PTPRT: variants seen among roughly 807,000 people sequenced by gnomAD.
The protein encoded by PTPRT is protein tyrosine phosphatase receptor type T, also known as receptor-type tyrosine-protein phosphatase T.
In PTPRT, 56 loss-of-function variants were observed where a neutral mutation model predicts 176.8. That is an observed-to-expected ratio of 0.32 (90% CI 0.26 to 0.40). The LOEUF (loss-of-function observed/expected upper bound fraction) is 0.40, where lower values mean the gene tolerates loss of function less well. Ranked by LOEUF, PTPRT falls within the 10% of genes least tolerant of loss-of-function variation. PTPRT has a pLI of 1.00. For missense variants in PTPRT, 1,540 were observed against 1,908.2 expected (o/e 0.81, Z 3.60); for synonymous variants, 783 against 739.0 (o/e 1.06, Z -0.96).
At chr20:42,036,608 G>C in the PTPRT span, among the ~76,000 whole-genome samples, 454 of 152,278 alleles carry the variant, frequency 3.0e-3, 4 homozygotes, top group African/African-American at 0.011. Flanking sequence ...GGAACTGCAG[G>C]AATCCCGAAG....
chr20:42,190,398 G>T (rs980669500), intron 16 of PTPRT, among the ~76,000 whole-genome samples: 1 of 152,068 alleles, frequency 6.6e-6, no homozygotes, highest in African/African-American at 2.4e-5. Flanking sequence ...ACTATTAATG[G>T]GCTTTAGCAC....
At chr20:42,667,014 T>C (rs2075328480) in intron 7 of PTPRT, among the ~76,000 whole-genome samples, 1 of 152,208 alleles carries the variant, frequency 6.6e-6, no homozygotes, top group Non-Finnish European at 1.5e-5. Flanking sequence ...TTCTGATCAG[T>C]AATGAAGGCT....
intron 1 of PTPRT, among the ~76,000 whole-genome samples, chr20:42,987,593 ATACCAAATGTCAGCCACCTCAGACAC>A (rs1983670710): frequency 6.6e-6 from 1 of 151,984 alleles, no homozygotes; most frequent in African/African-American, 2.4e-5. Flanking sequence ...TTCCTCAAAC[ATACCAAATGTCAGCCACCTCAGACAC>A]TCACCCCGCC....
chr20:43,044,249 A>G (rs1220097758), intron 1 of PTPRT, among the ~76,000 whole-genome samples: 2 of 152,078 alleles, frequency 1.3e-5, no homozygotes, highest in African/African-American at 4.8e-5. Flanking sequence ...CTGGGAGAAG[A>G]CAGAAGGCAA....
At chr20:42,816,147 T>C (rs1029277599) in intron 2 of PTPRT, among the ~76,000 whole-genome samples, 1 of 152,162 alleles carries the variant, frequency 6.6e-6, no homozygotes, top group Non-Finnish European at 1.5e-5. Flanking sequence ...CAGTGAAGAT[T>C]GGAACAGTAG....
At chr20:42,794,996 G>T (rs772258591) in intron 2 of PTPRT, among the ~76,000 whole-genome samples, 13 of 152,264 alleles carry the variant, frequency 8.5e-5, no homozygotes, top group Middle Eastern at 3.4e-3. Context: ...ACTAGAGATT[G>T]CTCAGGAGTG....
intron 7 of PTPRT, among the ~76,000 whole-genome samples, chr20:42,548,841 T>C (rs905081718): frequency 2.6e-5 from 4 of 152,032 alleles, no homozygotes; most frequent in Admixed American, 1.3e-4. Context: ...GAAGGCAAAA[T>C]ATTAAGGAGC....
intron 7 of PTPRT, among the ~76,000 whole-genome samples, chr20:42,544,278 G>A (rs1463809210): frequency 6.6e-6 from 1 of 152,180 alleles, no homozygotes; most frequent in East Asian, 1.9e-4. Flanking sequence ...TGAATAACTT[G>A]CTACAGCTTC....
intron 21 of PTPRT, among the ~76,000 whole-genome samples, chr20:42,115,775 A>G (rs1987242233): frequency 6.6e-6 from 1 of 152,110 alleles, no homozygotes; most frequent in Admixed American, 6.5e-5. Context: ...CTGAGCAAAG[A>G]TGAGAATAAA....
intron 1 of PTPRT, among the ~76,000 whole-genome samples, chr20:42,918,615 C>T (rs1480533522): frequency 1.3e-5 from 2 of 152,292 alleles, no homozygotes; most frequent in Admixed American, 6.5e-5. Context: ...TTTCCCATTG[C>T]AATCATTCCC....
chr20:42,824,444 A>G (rs2077956852), intron 2 of PTPRT, among the ~76,000 whole-genome samples: 1 of 152,108 alleles, frequency 6.6e-6, no homozygotes, highest in Admixed American at 6.6e-5. Flanking sequence ...GACAAGAAGA[A>G]GAAAGAACAT....
intron 16 of PTPRT, among the ~76,000 whole-genome samples, chr20:42,163,343 G>T (rs1568633760): frequency 6.6e-6 from 1 of 152,198 alleles, no homozygotes; most frequent in East Asian, 1.9e-4. Flanking sequence ...CTAAGATTTA[G>T]ATTTATGCAC....
chr20:42,340,268 C>T (rs1048270527), intron 11 of PTPRT, among the ~76,000 whole-genome samples: 5 of 152,138 alleles, frequency 3.3e-5, no homozygotes, highest in Non-Finnish European at 2.9e-5. Context: ...GTCTAGCCCT[C>T]GATTCTTGCA....
At position 42,345,368 on chromosome 20, in the gene PTPRT, C is replaced by T. The variant is rs1339718302; in HGVS notation, c.1865+5260G>A. 1.5e-3 allele frequency among the ~76,000 whole-genome samples: 90 copies of T among 59,198 alleles called. 2 individuals are homozygous for T. The highest frequency in any genetic ancestry group is 0.01 in the East Asian group (1 of 96). 38.8% of individuals were successfully genotyped at this position (59,198 alleles called of 152,430 possible). A position where few individuals can be genotyped will look rare whatever the true frequency, so the allele number is the denominator to read the frequency against. Reference sequence around the variant, plus strand: ...TAAGAGGTAGCTGAAGGCATATATACACACACACACACACACACACACACA... The same window carrying T: ...TAAGAGGTAGCTGAAGGCATATATATACACACACACACACACACACACACA... On this transcript the variant is annotated intron_variant, in intron 11 of 30. Transcript: ENST00000373187.
At chr20:42,150,531 G>GTCT (rs1387058129) in intron 17 of PTPRT, among the ~76,000 whole-genome samples, 1 of 152,202 alleles carries the variant, frequency 6.6e-6, no homozygotes, top group Admixed American at 6.5e-5. Context: ...ACTCTGGAGA[G>GTCT]TCTTCAGCAA....
At chr20:42,554,312 A>G (rs979131137) in intron 7 of PTPRT, among the ~76,000 whole-genome samples, 16 of 152,322 alleles carry the variant, frequency 1.1e-4, no homozygotes, top group African/African-American at 3.8e-4. Context: ...AAAATTCTGT[A>G]AAACTTAAGC....
chr20:42,180,878 A>G lies in PTPRT; in HGVS notation c.2491+18362T>C, dbSNP rs1023832139. Among the ~76,000 whole-genome samples the G allele has an allele frequency of 3.9e-5, 6 of 152,350 alleles. No individual in the cohort carries two copies. In the East Asian group the frequency reaches 1.2e-3, roughly 29 times the overall value. ...GAGTACATTATAGTAGTAGGATCAT[A>G]TGCAAGAGAAAGATTAAGTTTAAAT... On this transcript the variant is annotated intron_variant, in intron 16 of 30. Transcript: ENST00000373187.
At position 42,365,824 on chromosome 20, in the gene PTPRT, C is replaced by G. The variant is rs973803373; in HGVS notation, c.1561-13539G>C. Among the ~76,000 whole-genome samples the G allele has an allele frequency of 2.6e-4, 39 of 152,180 alleles. 1 individual carries two copies. The highest frequency in any genetic ancestry group is 1.2e-4 in the Non-Finnish European group (8 of 68,036). On this transcript the variant is annotated intron_variant, in intron 9 of 30. Transcript: ENST00000373187. ...CAGTAACGGCCCTGAGCCTCAGGTC[C>G]TTATCTGTAAAATAAGGATGAGTGT...
At chr20:43,108,119 G>A (rs191618425) in intron 1 of PTPRT, among the ~76,000 whole-genome samples, 63 of 152,332 alleles carry the variant, frequency 4.1e-4, no homozygotes, top group African/African-American at 1.1e-3. Flanking sequence ...ACCTGAGGAT[G>A]GGTGGGTCTT....
Sources: gnomAD v4.1 joint callset for allele counts (sites outside exome capture counted in the v4.1 genomes callset) on GRCh38, gnomAD v4.1.1 for gene constraint, MANE v1.5 for transcripts, NCBI Gene and HGNC (gene_info 2026-07-23, HGNC 2026-07-21) for gene names.